The following CDH13 variants were observed in gnomAD, a reference collection of about 807,000 sequenced individuals.
CDH13 encodes the protein cadherin 13.
A neutral mutation model predicts 63.8 loss-of-function variants in CDH13; 24 were observed. The observed-to-expected ratio is 0.38, with a 90% CI of 0.27 to 0.53. CDH13 has a LOEUF of 0.53. CDH13 is among the 20% of genes least tolerant of loss of function. CDH13 has a pLI of 0.85. For missense variants in CDH13, 1,049 were observed against 903.1 expected, an observed-to-expected ratio of 1.16 and a Z score of -2.07; for synonymous variants, 503 against 355.3, an observed-to-expected ratio of 1.42 and a Z score of -4.67.
intron 1 of CDH13, among the ~76,000 whole-genome samples, chr16:82,686,511 G>A (rs1567626619): frequency 6.6e-6 from 1 of 152,220 alleles, no homozygotes; most frequent in African/African-American, 2.4e-5. Context: ...GCAGTGCGAT[G>A]CATGGGTCAC....
At chr16:83,423,771 T>C (rs553378154) in intron 6 of CDH13, among the ~76,000 whole-genome samples, 1 of 152,320 alleles carries the variant, frequency 6.6e-6, no homozygotes, top group Non-Finnish European at 1.5e-5. Context: ...GACTGCAAGA[T>C]GTGCAAGTCC....
At chr16:82,997,291 G>A (rs1048308121) in intron 2 of CDH13, among the ~76,000 whole-genome samples, 1 of 152,160 alleles carries the variant, frequency 6.6e-6, no homozygotes, top group African/African-American at 2.4e-5. Flanking sequence ...AAGCAAATGT[G>A]TAAACTCACA....
chr16:83,295,439 G>C (rs2089569045), intron 5 of CDH13, among the ~76,000 whole-genome samples: 1 of 151,774 alleles, frequency 6.6e-6, no homozygotes. Context: ...ACAACCTATG[G>C]AATTAAAAGA....
intron 4 of CDH13, among the ~76,000 whole-genome samples, chr16:83,188,518 G>C (rs148168633): frequency 5.2e-4 from 79 of 152,220 alleles, no homozygotes; most frequent in African/African-American, 1.8e-3. Context: ...TCCCAGAGGG[G>C]GGAAACTGAA....
At chr16:82,632,032 A>G (rs547989579) in intron 1 of CDH13, among the ~76,000 whole-genome samples, 1 of 152,302 alleles carries the variant, frequency 6.6e-6, no homozygotes, top group South Asian at 2.1e-4. Context: ...TACATTAATA[A>G]AAAAGAAATC....
intron 7 of CDH13, among the ~76,000 whole-genome samples, chr16:83,541,712 T>C (rs985502402): frequency 6.6e-6 from 1 of 152,192 alleles, no homozygotes; most frequent in African/African-American, 2.4e-5. Flanking sequence ...AAGAAATTCA[T>C]GGTTGGTTTT....
At chr16:82,629,398 C>T (rs1285850753) in intron 1 of CDH13, among the ~76,000 whole-genome samples, 4 of 152,324 alleles carry the variant, frequency 2.6e-5, no homozygotes, top group Non-Finnish European at 4.4e-5. Context: ...AATAGTACCT[C>T]ACAGAGAAAT....
chr16:83,461,123 C>A (rs1252543995), intron 6 of CDH13, among the ~76,000 whole-genome samples: 1 of 152,028 alleles, frequency 6.6e-6, no homozygotes, highest in South Asian at 2.1e-4. Flanking sequence ...TGTGATATTT[C>A]TTAAGCTGGG....
At chr16:83,535,156 C>A (rs1187027955) in intron 7 of CDH13, among the ~76,000 whole-genome samples, 2 of 152,202 alleles carry the variant, frequency 1.3e-5, no homozygotes, top group South Asian at 2.1e-4. Flanking sequence ...GAGACCAGAG[C>A]ATAAGGGGTG....
At chr16:82,825,566 G>C (rs1426588217) in intron 1 of CDH13, 2 of 137,948 alleles carry the variant, frequency 1.4e-5, no homozygotes, top group South Asian at 2.3e-4. Flanking sequence ...TTCCCAAACA[G>C]AGTCTCCCTC....
intron 4 of CDH13, among the ~76,000 whole-genome samples, chr16:83,171,923 A>G (rs1283696367): frequency 6.6e-6 from 1 of 152,086 alleles, no homozygotes; most frequent in African/African-American, 2.4e-5. Flanking sequence ...GTTATTTAAG[A>G]TTTATTGTCA....
intron 1 of CDH13, among the ~76,000 whole-genome samples, chr16:82,810,080 A>C (rs1332029823): frequency 6.6e-6 from 1 of 152,232 alleles, no homozygotes; most frequent in Non-Finnish European, 1.5e-5. Context: ...GGAATTACTT[A>C]GTTGCTGACA....
intron 1 of CDH13, among the ~76,000 whole-genome samples, chr16:82,649,038 A>G (rs971947160): frequency 6.6e-6 from 1 of 152,128 alleles, no homozygotes; most frequent in Non-Finnish European, 1.5e-5. Context: ...AACATTTTAA[A>G]GCATTTTGAA....
intron 1 of CDH13, among the ~76,000 whole-genome samples, chr16:82,633,354 G>C (rs968960583): frequency 3.1e-4 from 47 of 152,180 alleles, no homozygotes; most frequent in African/African-American, 1.1e-3. Context: ...TGTAACTTCA[G>C]GATAAAGCTG....
At chr16:83,656,681 G>T (rs752727131) in intron 8 of CDH13, among the ~76,000 whole-genome samples, 1 of 152,214 alleles carries the variant, frequency 6.6e-6, no homozygotes, top group African/African-American at 2.4e-5. Flanking sequence ...TTTCCTGTGG[G>T]AAAGTAGACA....
intron 2 of CDH13, among the ~76,000 whole-genome samples, chr16:82,948,132 T>C (rs970826445): frequency 5.3e-5 from 8 of 152,290 alleles, no homozygotes; most frequent in African/African-American, 1.4e-4. Flanking sequence ...TATTCTTCTA[T>C]CAAAACAAAG....
At chr16:83,558,232 T>C (rs1222350764) in intron 7 of CDH13, among the ~76,000 whole-genome samples, 1 of 152,134 alleles carries the variant, frequency 6.6e-6, no homozygotes, top group Non-Finnish European at 1.5e-5. Flanking sequence ...ACCTACATTG[T>C]TTATTGGGAT....
chr16:82,940,421 A>G (rs1169939891), intron 2 of CDH13, among the ~76,000 whole-genome samples: 2 of 151,990 alleles, frequency 1.3e-5, no homozygotes, highest in African/African-American at 4.8e-5. Context: ...TTGAGTCCAA[A>G]CCTTAGCAGT....
chr16:83,491,838 C>A (rs188297444), intron 7 of CDH13, among the ~76,000 whole-genome samples: 3 of 151,950 alleles, frequency 2.0e-5, no homozygotes, highest in Non-Finnish European at 4.4e-5. Flanking sequence ...CAGCTGGTAA[C>A]GCACTTTCTG....
Sources: gnomAD v4.1 joint callset for allele counts (sites outside exome capture counted in the v4.1 genomes callset) on GRCh38, gnomAD v4.1.1 for gene constraint, MANE v1.5 for transcripts, NCBI Gene and HGNC (gene_info 2026-07-23, HGNC 2026-07-21) for gene names.